The following DOCK9 variants were observed in gnomAD, a reference collection of about 807,000 sequenced individuals.
DOCK9 encodes dedicator of cytokinesis protein 9.
In DOCK9, 89 loss-of-function variants were observed where a neutral mutation model predicts 263.3. The ratio of observed to expected loss-of-function variants is 0.34; its 90% CI spans 0.28 to 0.40. The LOEUF (loss-of-function observed/expected upper bound fraction) is 0.40, where lower values mean the gene tolerates loss of function less well. Among genes scored for constraint, DOCK9 ranks in the 10% least tolerant of loss-of-function variants. The pLI is 1.00. For synonymous variants in DOCK9, 976 were observed against 973.1 expected (o/e 1.00, Z -0.06); for missense variants, 2,140 against 2,603.4 (o/e 0.82, Z 3.87).
intron 36 of DOCK9, among the ~76,000 whole-genome samples, chr13:98,849,001 A>G (rs143298816): frequency 2.6e-5 from 4 of 152,306 alleles, no homozygotes; most frequent in African/African-American, 9.6e-5. Context: ...CACTGTTCCA[A>G]GTTACTTATT....
intron 1 of DOCK9, among the ~76,000 whole-genome samples, chr13:98,999,316 A>ACACACACACACTCTCTCTCTCTCT: frequency 1.4e-5 from 2 of 138,288 alleles, no homozygotes; most frequent in African/African-American, 2.8e-5. Context: ...ACACACACAC[A>ACACACACACACTCTCTCTCTCTCT]CTCTCTCTCT....
chr13:98,867,427 T>C lies in DOCK9; in HGVS notation c.3284A>G (p.Gln1095Arg). Residue 1095 changes from glutamine to arginine, a missense_variant and splice_region_variant, in exon 30 of 53, where the codon CAA becomes CGA. Transcript: ENST00000682017. ...TAATAGAAATAAAGATGGATTACCTTGGTATCTTTGAATCCTGCCTTTTCC... is the reference window on the plus strand; with the variant it reads ...TAATAGAAATAAAGATGGATTACCTCGGTATCTTTGAATCCTGCCTTTTCC... ...PFGKGRIQRYQDLQLDYSLTD... is the reference protein window; with the variant it reads ...PFGKGRIQRYRDLQLDYSLTD... The C allele has an allele frequency of 6.5e-7, 1 of 1,547,024 alleles. No homozygotes were observed. Among genetic ancestry groups the C allele is most frequent in the East Asian group, 2.2e-5 (1 of 44,456 alleles).
At chr13:98,805,571 T>C (rs2090609815) in intron 48 of DOCK9, among the ~76,000 whole-genome samples, 1 of 152,196 alleles carries the variant, frequency 6.6e-6, no homozygotes, top group Non-Finnish European at 1.5e-5. Flanking sequence ...AAATTAACAC[T>C]GATTCCCTAA....
intron 1 of DOCK9, among the ~76,000 whole-genome samples, chr13:98,959,784 G>C (rs2058437112): frequency 6.6e-6 from 1 of 152,162 alleles, no homozygotes. Flanking sequence ...AGAAGAGAGG[G>C]GCTTGGGAGA....
chr13:99,069,417 C>A (rs912228468), intron 1 of DOCK9, among the ~76,000 whole-genome samples: 41 of 152,170 alleles, frequency 2.7e-4, no homozygotes, highest in African/African-American at 9.4e-4. Flanking sequence ...ATGAAATATA[C>A]AAGCACGGAG....
At chr13:99,023,006 T>G (rs1886301938) in intron 1 of DOCK9, among the ~76,000 whole-genome samples, 1 of 152,210 alleles carries the variant, frequency 6.6e-6, no homozygotes, top group Non-Finnish European at 1.5e-5. Context: ...AACAGCTTAT[T>G]TGCTGGTAGA....
At chr13:98,975,864 A>G (rs1446071886) in intron 1 of DOCK9, among the ~76,000 whole-genome samples, 1 of 152,224 alleles carries the variant, frequency 6.6e-6, no homozygotes, top group Non-Finnish European at 1.5e-5. Flanking sequence ...GGCCACTGAC[A>G]TTCGAACAAT....
intron 2 of DOCK9, among the ~76,000 whole-genome samples, chr13:98,932,857 G>C (rs1439357733): frequency 6.6e-6 from 1 of 152,056 alleles, no homozygotes; most frequent in Non-Finnish European, 1.5e-5. Context: ...CAGCCTCCTA[G>C]GTCCTGACTT....
At chr13:98,903,866 T>C (rs984431434) in intron 10 of DOCK9, among the ~76,000 whole-genome samples, 9 of 152,152 alleles carry the variant, frequency 5.9e-5, no homozygotes, top group African/African-American at 1.9e-4. Context: ...ATGTTAAGTT[T>C]AAGAAGCCAG....
At chr13:99,037,319 C>G (rs1339790333) in intron 1 of DOCK9, among the ~76,000 whole-genome samples, 2 of 151,882 alleles carry the variant, frequency 1.3e-5, no homozygotes, top group East Asian at 1.9e-4. Context: ...AAGATTGGAA[C>G]AAACATTTCG....
intron 1 of DOCK9, among the ~76,000 whole-genome samples, chr13:99,063,163 G>T (rs948941328): frequency 1.3e-5 from 2 of 152,210 alleles, no homozygotes; most frequent in Admixed American, 1.3e-4. Flanking sequence ...CAACAGGAAG[G>T]CTTGTGCAGT....
chr13:99,020,676 A>C (rs1352105511), intron 1 of DOCK9, among the ~76,000 whole-genome samples: 3 of 152,236 alleles, frequency 2.0e-5, no homozygotes, highest in African/African-American at 7.2e-5. Context: ...CTCTTCTAGA[A>C]ACATGTGAAA....
rs372960244 is a variant in DOCK9 at position 98,887,524 on chromosome 13, G to A, written c.2043+634C>T. ...CCAGCTACTCGGGAGGCTGAGGCAG[G>A]AGAATGGCATGAACCTGGGAGGCAG... On this transcript the variant is annotated intron_variant, in intron 18 of 52. Transcript: ENST00000682017. Among the ~76,000 whole-genome samples, 14 of 139,184 alleles carry A rather than the reference G, an allele frequency of 1.0e-4. 1 individual carries two copies. In the South Asian group the frequency reaches 1.4e-3, roughly 14 times the overall value. 91.3% of individuals were successfully genotyped at this position (139,184 alleles called of 152,430 possible).
At chr13:98,956,558 C>A (rs1454224682) in intron 1 of DOCK9, among the ~76,000 whole-genome samples, 1 of 151,778 alleles carries the variant, frequency 6.6e-6, no homozygotes, top group African/African-American at 2.4e-5. Context: ...ACCAGCCTGG[C>A]CAACACGATG....
chr13:99,084,758 C>A (rs575404101), intron 1 of DOCK9, among the ~76,000 whole-genome samples: 1 of 152,284 alleles, frequency 6.6e-6, no homozygotes, highest in African/African-American at 2.4e-5. Context: ...CCCTGATGAC[C>A]ACGGCAGGCC....
intron 9 of DOCK9, among the ~76,000 whole-genome samples, chr13:98,906,259 T>C (rs989953289): frequency 1.3e-5 from 2 of 151,472 alleles, no homozygotes; most frequent in Non-Finnish European, 2.9e-5. Flanking sequence ...TGAAAGTGAG[T>C]CTGAAGACAA....
At chr13:98,849,367 A>G (rs757456519) in intron 36 of DOCK9, among the ~76,000 whole-genome samples, 6 of 152,132 alleles carry the variant, frequency 3.9e-5, no homozygotes, top group Non-Finnish European at 8.8e-5. Flanking sequence ...CCAAAATAAT[A>G]GACATAAAGC....
intron 9 of DOCK9, among the ~76,000 whole-genome samples, chr13:98,907,565 T>C (rs1225155443): frequency 6.6e-6 from 1 of 152,214 alleles, no homozygotes; most frequent in Non-Finnish European, 1.5e-5. Context: ...CCAACAGATA[T>C]ATTCTTTACC....
intron 5 of DOCK9, among the ~76,000 whole-genome samples, chr13:98,922,571 G>C (rs897455531): frequency 1.3e-5 from 2 of 152,178 alleles, no homozygotes; most frequent in African/African-American, 4.8e-5. Flanking sequence ...GCTTAGTTCA[G>C]GGAAAGGTGA....
Sources: gnomAD v4.1 joint callset for allele counts (sites outside exome capture counted in the v4.1 genomes callset) on GRCh38, gnomAD v4.1.1 for gene constraint, MANE v1.5 for transcripts, NCBI Gene and HGNC (gene_info 2026-07-23, HGNC 2026-07-21) for gene names.